The following OXSR1 variants were observed in gnomAD, a reference collection of about 807,000 sequenced individuals.
OXSR1 encodes oxidative stress responsive kinase 1.
In OXSR1, 24 loss-of-function variants were observed where a neutral mutation model predicts 79.8. The ratio of observed to expected loss-of-function variants is 0.30; its 90% CI spans 0.22 to 0.42. The LOEUF (loss-of-function observed/expected upper bound fraction) is 0.42. OXSR1 is among the 10% of genes least tolerant of loss of function. OXSR1 has a pLI of 1.00. For synonymous variants in OXSR1, 226 were observed against 209.2 expected, an observed-to-expected ratio of 1.08 and a Z score of -0.69; for missense variants, 430 against 618.4, an observed-to-expected ratio of 0.70 and a Z score of 3.23.
chr3:38,203,956 GA>G (rs1449060103), intron 4 of OXSR1, among the ~76,000 whole-genome samples: 2 of 152,200 alleles, frequency 1.3e-5, no homozygotes, highest in African/African-American at 4.8e-5. Flanking sequence ...TGGGTGCAGA[GA>G]TGCCATCAGA....
At chr3:38,166,441 C>G (rs986843593) in intron 1 of OXSR1, among the ~76,000 whole-genome samples, 4 of 152,022 alleles carry the variant, frequency 2.6e-5, no homozygotes, top group Non-Finnish European at 4.4e-5. Flanking sequence ...ACCCAACTTA[C>G]GACTCCTTCC....
intron 4 of OXSR1, among the ~76,000 whole-genome samples, chr3:38,208,757 C>G (rs989962304): frequency 3.9e-5 from 6 of 152,114 alleles, no homozygotes; most frequent in Non-Finnish European, 8.8e-5. Context: ...AAAAAGTTAG[C>G]TGGGTGTGGT....
intron 11 of OXSR1, among the ~76,000 whole-genome samples, chr3:38,239,158 T>C (rs974826100): frequency 2.0e-5 from 3 of 152,160 alleles, no homozygotes; most frequent in Admixed American, 6.5e-5. Flanking sequence ...TTTGGAGATA[T>C]GTAATACAGC....
At chr3:38,193,730 C>G (rs1023026219) in intron 3 of OXSR1, among the ~76,000 whole-genome samples, 1 of 151,548 alleles carries the variant, frequency 6.6e-6, no homozygotes, top group African/African-American at 2.4e-5. Context: ...GCTCTTTGTC[C>G]CTCTTGGTCT....
At chr3:38,176,040 A>AT (rs926424681) in intron 1 of OXSR1, among the ~76,000 whole-genome samples, 13 of 151,222 alleles carry the variant, frequency 8.6e-5, no homozygotes, top group African/African-American at 2.4e-4. Flanking sequence ...TCTTTAAAAA[A>AT]TTTTTTTTTT....
upstream of OXSR1, among the ~76,000 whole-genome samples, chr3:38,164,378 T>C (rs1007632117): frequency 3.3e-5 from 5 of 152,212 alleles, no homozygotes; most frequent in African/African-American, 1.2e-4. Context: ...ACTCCTGACC[T>C]CAGGTGGTCC....
intron 3 of OXSR1, among the ~76,000 whole-genome samples, chr3:38,191,304 G>A (rs1430022166): frequency 6.6e-6 from 1 of 151,828 alleles, no homozygotes; most frequent in Non-Finnish European, 1.5e-5. Context: ...GTCTTCAAGC[G>A]ATCCTTCCTA....
At position 38,227,545 on chromosome 3, in the gene OXSR1, CCACACACACA is replaced by C. The variant is rs58097834; in HGVS notation, c.837-2109_837-2100del. 8.4e-3 allele frequency among the ~76,000 whole-genome samples: 1,166 copies of C among 138,418 alleles called. 16 individuals are homozygous for C. Among genetic ancestry groups the C allele is most frequent in the African/African-American group, 0.026 (1,004 of 37,952 alleles). 90.8% of individuals were successfully genotyped at this position (138,418 alleles called of 152,430 possible). A position where few individuals can be genotyped will look rare whatever the true frequency, so the allele number is the denominator to read the frequency against. On this transcript the variant is annotated intron_variant, in intron 8 of 17. Transcript: ENST00000311806. ...TCAGTATGTTTGTGTGTATGCACAT[CCACACACACA>C]CACACACACACACACACACACACAC... is the stretch of plus-strand genomic sequence containing the variant.
chr3:38,223,757 A>C, intron 6 of OXSR1, 55 bp from the exon 7 acceptor site: 3 of 1,332,040 alleles, frequency 2.3e-6, no homozygotes, highest in Non-Finnish European at 3.2e-6. Context: ...CCAGAAGCTA[A>C]CTTTTAAAAG....
At chr3:38,223,966 G>A (rs1001570547) in intron 7 of OXSR1, 53 bp downstream of exon 7, 2 of 1,066,632 alleles carry the variant, frequency 1.9e-6, no homozygotes, top group African/African-American at 1.6e-5. Context: ...TTCCTTTTCA[G>A]AGCCATTTGC....
At chr3:38,211,770 C>T (rs1197507578) in intron 4 of OXSR1, among the ~76,000 whole-genome samples, 4 of 152,204 alleles carry the variant, frequency 2.6e-5, no homozygotes, top group African/African-American at 9.7e-5. Context: ...ACCTACTGCT[C>T]TGCCTCTTAA....
chr3:38,206,801 G>A (rs533227428), intron 4 of OXSR1, among the ~76,000 whole-genome samples: 11 of 152,174 alleles, frequency 7.2e-5, no homozygotes, highest in Non-Finnish European at 1.6e-4. Context: ...TCATTGATTA[G>A]CACAGTCTTT....
intron 1 of OXSR1, 78 bp downstream of exon 1, chr3:38,166,024 C>T: frequency 7.6e-7 from 1 of 1,323,628 alleles, no homozygotes; most frequent in South Asian, 1.2e-5. Flanking sequence ...GCCGCGGGAG[C>T]TCGGGGAGCG....
At chr3:38,217,546 T>C (rs1702506945) in intron 5 of OXSR1, among the ~76,000 whole-genome samples, 1 of 152,180 alleles carries the variant, frequency 6.6e-6, no homozygotes, top group Non-Finnish European at 1.5e-5. Flanking sequence ...TTTGTTTTTT[T>C]TGAGACAGTC....
intron 4 of OXSR1, among the ~76,000 whole-genome samples, chr3:38,201,047 T>C (rs1702153487): frequency 6.6e-6 from 1 of 152,100 alleles, no homozygotes; most frequent in African/African-American, 2.4e-5. Context: ...TTTCCTGTTG[T>C]GACGCATCTG....
chr3:38,170,031 CTTCT>C (rs1701547742), intron 1 of OXSR1, among the ~76,000 whole-genome samples: 1 of 151,794 alleles, frequency 6.6e-6, no homozygotes, highest in Non-Finnish European at 1.5e-5. Context: ...TGCGCTTAGC[CTTCT>C]TTAATTTTAT....
At chr3:38,248,855 T>G (rs1703197692) in intron 14 of OXSR1, among the ~76,000 whole-genome samples, 1 of 152,310 alleles carries the variant, frequency 6.6e-6, no homozygotes, top group South Asian at 2.1e-4. Flanking sequence ...TGAAATGTAT[T>G]AAGCACAGAC....
chr3:38,243,263 C>T (rs1348413056), intron 12 of OXSR1, among the ~76,000 whole-genome samples: 1 of 152,098 alleles, frequency 6.6e-6, no homozygotes, highest in Non-Finnish European at 1.5e-5. Flanking sequence ...CTCCTGGGCT[C>T]AGGCAGTCTC....
intron 1 of OXSR1, among the ~76,000 whole-genome samples, chr3:38,176,442 G>A (rs1701678318): frequency 6.6e-6 from 1 of 152,120 alleles, no homozygotes. Flanking sequence ...TCTAATGAGA[G>A]AACGTCATTG....
Sources: allele counts gnomAD v4.1 joint callset (sites outside exome capture counted in the v4.1 genomes callset), GRCh38; gene constraint gnomAD v4.1.1; transcripts MANE v1.5; gene names NCBI Gene and HGNC (gene_info 2026-07-23, HGNC 2026-07-21).